Variants in ZNF185 observed in about 807,000 individuals in gnomAD.
ZNF185 encodes the protein zinc finger protein 185 with LIM domain.
In ZNF185, 56 loss-of-function variants were observed where a neutral mutation model predicts 58.6. The observed-to-expected ratio is 0.95, with a 90% CI of 0.77 to 1.19. The LOEUF (loss-of-function observed/expected upper bound fraction) is 1.19. ZNF185 is among the 50% of genes most tolerant of loss of function. ZNF185 has a pLI of 0.00. For missense variants in ZNF185, 627 were observed against 573.5 expected (o/e 1.09, Z -0.95); for synonymous variants, 230 against 215.9 (o/e 1.07, Z -0.57).
At chrX:152,968,894 C>T (rs1351208495) in intron 20 of ZNF185, among the ~76,000 whole-genome samples, 2 of 111,849 alleles carry the variant, frequency 1.8e-5, no homozygotes, top group Non-Finnish European at 3.8e-5. Flanking sequence ...TCTGAGTAGG[C>T]TCTACAGACA....
In ZNF185 at chrX:152,932,834, C is replaced by T. The variant is rs41311684; in HGVS notation, c.1023-39C>T. 1.3e-3 allele frequency: 1,339 copies of T among 1,051,301 alleles called. 1 individual carries two copies. Among genetic ancestry groups the T allele is most frequent in the Non-Finnish European group, 1.4e-3 (1,087 of 763,150 alleles). The allele number at this position is 1,051,301 out of a possible 1,213,427, so 86.6% of individuals were successfully genotyped here. ...GCATCTGGGTTAGATGAGATCAAAACGCAACTAGAGTCAGCAAATACTCCA... is the reference window on the plus strand; with the variant it reads ...GCATCTGGGTTAGATGAGATCAAAATGCAACTAGAGTCAGCAAATACTCCA... On this transcript the variant is annotated intron_variant, in intron 13 of 22. Transcript: ENST00000449285.
At chrX:152,928,767 T>A (rs1941373986) in intron 12 of ZNF185, 106 bp downstream of exon 13, 3 of 813,376 alleles carry the variant, frequency 3.7e-6, no homozygotes, top group Non-Finnish European at 5.3e-6. Flanking sequence ...TCTGCCACTG[T>A]AGGGCCAACA....
intron 15 of ZNF185, among the ~76,000 whole-genome samples, chrX:152,939,059 G>T (rs782650206): frequency 1.8e-5 from 2 of 111,827 alleles, no homozygotes; most frequent in South Asian, 7.4e-4. Flanking sequence ...GCCACAGATG[G>T]AGCAGGGCCT....
chrX:152,936,905 G>C (rs782135698), intron 14 of ZNF185, among the ~76,000 whole-genome samples: 2 of 110,830 alleles, frequency 1.8e-5, no homozygotes, highest in South Asian at 7.6e-4. Context: ...GCCAGCATTA[G>C]AGGGCTCAGT....
At chrX:152,898,342 C>T in the ZNF185 span, among the ~76,000 whole-genome samples, 1 of 112,584 alleles carries the variant, frequency 8.9e-6, no homozygotes, top group South Asian at 3.6e-4. Context: ...GTTTCCCCAT[C>T]CATAACCCTT....
At chrX:152,938,843 A>AT (rs1556885479) in intron 15 of ZNF185, among the ~76,000 whole-genome samples, 4 of 101,779 alleles carry the variant, frequency 3.9e-5, no homozygotes, top group African/African-American at 1.5e-4. Flanking sequence ...GCTGAGATAG[A>AT]GTGATGGCAG....
intron 16 of ZNF185, among the ~76,000 whole-genome samples, chrX:152,949,471 T>A (rs2048087033): frequency 8.9e-6 from 1 of 112,432 alleles, no homozygotes; most frequent in Non-Finnish European, 1.9e-5. Flanking sequence ...TTGGGTCTGG[T>A]CACTGGCATG....
chrX:152,969,838 G>T (rs1192345382), intron 21 of ZNF185, among the ~76,000 whole-genome samples: 2 of 112,743 alleles, frequency 1.8e-5, no homozygotes, highest in East Asian at 2.8e-4. Flanking sequence ...AGGAGTGACA[G>T]AGTGGGCTAG....
Position 152,963,961 on chromosome X carries a change from T to G in ZNF185, c.1718+12T>G, listed in dbSNP as rs782511267. 14 of 1,196,011 alleles carry G rather than the reference T, an allele frequency of 1.2e-5. No individual in the cohort carries two copies. In the African/African-American group the frequency reaches 2.1e-4, roughly 18 times the overall value. ...TCCAGCTCTACCACGTAAGAAGGGC[T>G]ATCTAGCAACCTGGGAGATGTTCCT... On this transcript the variant is annotated intron_variant, in intron 18 of 22. Coordinates refer to ENST00000449285, the Ensembl canonical transcript of ZNF185.
At chrX:152,967,031 G>T (rs12008598) in intron 19 of ZNF185, 136 bp from the exon 22 acceptor site, 158,985 of 563,562 alleles carry the variant, frequency 0.28, 16,150 homozygotes, top group South Asian at 0.42. Context: ...GAAGGGCCCT[G>T]TGGCACCAAG....
At chrX:152,908,173 C>T in the ZNF185 span, among the ~76,000 whole-genome samples, 1 of 112,527 alleles carries the variant, frequency 8.9e-6, no homozygotes, top group Non-Finnish European at 1.9e-5. Context: ...GCACAGGCCA[C>T]AGCCCATGGG....
rs180692061 is a variant in ZNF185 at position 152,914,848 on chromosome X, C to T, written c.158+15C>T. 1.7e-4 allele frequency: 197 copies of T among 1,173,560 alleles called. 2 individuals carry two copies. In the African/African-American group the frequency reaches 3.0e-3, roughly 18 times the overall value. ...GGTCGCACCATGTAAGGCAAGGAGG[C>T]GGGGAGGGACCGCAGCAACGTGGGG... is the stretch of plus-strand genomic sequence containing the variant. On this transcript the variant is annotated intron_variant, in intron 2 of 22. Coordinates refer to ENST00000449285, the Ensembl canonical transcript of ZNF185.
At chrX:152,944,777 T>C (rs1344008327) in intron 15 of ZNF185, among the ~76,000 whole-genome samples, 1 of 110,707 alleles carries the variant, frequency 9.0e-6, no homozygotes, top group Non-Finnish European at 1.9e-5. Context: ...GGCAGGAGGA[T>C]CGCTTGAGAC....
At chrX:152,962,302 T>G (rs1440369624) in intron 17 of ZNF185, among the ~76,000 whole-genome samples, 1 of 110,589 alleles carries the variant, frequency 9.0e-6, no homozygotes, top group East Asian at 2.8e-4. Flanking sequence ...TTTTCTTTTT[T>G]TTAAGAGGCG....
intron 11 of ZNF185, among the ~76,000 whole-genome samples, chrX:152,923,903 T>C (rs1269485172): frequency 2.7e-5 from 3 of 111,282 alleles, no homozygotes; most frequent in Admixed American, 1.9e-4. Flanking sequence ...TTGAGGGATA[T>C]GGGGGCAAAG....
At chrX:152,926,710 G>A (rs1224193767) in intron 11 of ZNF185, among the ~76,000 whole-genome samples, 2 of 112,111 alleles carry the variant, frequency 1.8e-5, no homozygotes, top group Non-Finnish European at 3.8e-5. Context: ...CTGGGGAGAT[G>A]GTGGGGTAGC....
intron 16 of ZNF185, among the ~76,000 whole-genome samples, chrX:152,950,828 C>T (rs1232145963): frequency 8.9e-6 from 1 of 111,828 alleles, no homozygotes; most frequent in Non-Finnish European, 1.9e-5. Context: ...GCGAGAAATA[C>T]TACTTGGTTA....
intron 3 of ZNF185, 118 bp from the exon 5 acceptor site, chrX:152,917,013 G>A (rs782046887): frequency 2.0e-6 from 2 of 1,018,066 alleles, no homozygotes; most frequent in South Asian, 2.1e-5. Flanking sequence ...GCTGTACTGG[G>A]ACACCTGGAG....
intron 22 of ZNF185, among the ~76,000 whole-genome samples, chrX:152,970,937 C>T (rs1350571281): frequency 8.9e-6 from 1 of 111,785 alleles, no homozygotes; most frequent in African/African-American, 3.3e-5. Flanking sequence ...GTCCAGGGCT[C>T]TCTGTTCACT....
Sources: allele counts gnomAD v4.1 joint callset (sites outside exome capture counted in the v4.1 genomes callset), GRCh38; gene constraint gnomAD v4.1.1; transcripts MANE v1.5; gene names NCBI Gene and HGNC (gene_info 2026-07-23, HGNC 2026-07-21).